The following GDAP2 variants were observed in gnomAD, a reference collection of about 807,000 sequenced individuals.
The protein encoded by GDAP2 is ganglioside-induced differentiation-associated protein 2.
Under a neutral mutation model 67.0 loss-of-function variants are expected in GDAP2, and 51 were observed. The ratio of observed to expected loss-of-function variants is 0.76; its 90% CI spans 0.61 to 0.96. GDAP2 has a LOEUF of 0.96. Ranked by LOEUF, GDAP2 falls within the 40% of genes least tolerant of loss-of-function variation. The probability of loss-of-function intolerance (pLI) is 0.00; values close to 1 mark genes in which losing one functional copy is unlikely to be tolerated. For synonymous variants in GDAP2, 203 were observed against 207.3 expected (o/e 0.98, Z 0.18); for missense variants, 547 against 588.3 (o/e 0.93, Z 0.73).
At chr1:117,900,763 C>CAAA (rs552813673) in intron 6 of GDAP2, among the ~76,000 whole-genome samples, 1 of 87,640 alleles carries the variant, frequency 1.1e-5, no homozygotes. Context: ...GACTCCATCT[C>CAAA]AAAAAAAAAA....
intron 6 of GDAP2, among the ~76,000 whole-genome samples, chr1:117,900,055 T>TA (rs1557802870): frequency 2.0e-5 from 3 of 152,088 alleles, no homozygotes; most frequent in Non-Finnish European, 4.4e-5. Flanking sequence ...ATAGCCTTTA[T>TA]AAAAAAACTG....
intron 6 of GDAP2, 80 bp from the exon 7 acceptor site, chr1:117,899,296 C>A: frequency 4.3e-6 from 4 of 922,408 alleles, no homozygotes; most frequent in South Asian, 1.4e-5. Context: ...GCTGTTCATA[C>A]ACTGTGAAGA....
intron 13 of GDAP2, among the ~76,000 whole-genome samples, chr1:117,875,740 G>T (rs948945359): frequency 3.9e-5 from 6 of 152,198 alleles, no homozygotes; most frequent in Non-Finnish European, 7.4e-5. Flanking sequence ...TTATTTTGGA[G>T]ATTTAAGATT....
intron 1 of GDAP2, among the ~76,000 whole-genome samples, chr1:117,924,851 T>G (rs1247627533): frequency 6.6e-6 from 1 of 152,186 alleles, no homozygotes; most frequent in African/African-American, 2.4e-5. Flanking sequence ...TATTCAGACT[T>G]GAAATAGACA....
chr1:117,899,937 G>A (rs536093045), intron 6 of GDAP2, among the ~76,000 whole-genome samples: 7 of 152,084 alleles, frequency 4.6e-5, no homozygotes, highest in African/African-American at 1.7e-4. Context: ...GAATCACCTA[G>A]GACAATGAAA....
At chr1:117,902,709 GTTC>G (rs1223285574) in intron 6 of GDAP2, among the ~76,000 whole-genome samples, 1 of 152,066 alleles carries the variant, frequency 6.6e-6, no homozygotes, top group Non-Finnish European at 1.5e-5. Context: ...TTCCAATGTT[GTTC>G]TTTTTTTCCA....
At chr1:117,888,752 T>C (rs1402364014) in intron 8 of GDAP2, among the ~76,000 whole-genome samples, 4 of 152,188 alleles carry the variant, frequency 2.6e-5, no homozygotes, top group Non-Finnish European at 5.9e-5. Context: ...ATTTGGCTTC[T>C]AATCCTACTG....
At position 117,887,695 on chromosome 1, in the gene GDAP2, C is replaced by T. The variant is rs1453546043; in HGVS notation, c.1030+3G>A. 4.2e-6 allele frequency: 6 copies of T among 1,441,282 alleles called. No individual in the cohort carries two copies. Among genetic ancestry groups the T allele is most frequent in the South Asian group, 2.3e-5 (2 of 87,456 alleles). 89.3% of individuals were successfully genotyped at this position (1,441,282 alleles called of 1,614,324 possible). A position where few individuals can be genotyped will look rare whatever the true frequency, so the allele number is the denominator to read the frequency against. On this transcript the variant is annotated splice_donor_region_variant and intron_variant, in intron 9 of 13. Transcript: ENST00000369443. The stretch of plus-strand genomic sequence containing the variant: ...GAATAAGTTACCATATATTTAAGCT[C>T]ACCTGTTTGGTATAAGGCTTTTAGA...
At chr1:117,887,641 A>T (rs1470913502) in intron 9 of GDAP2, 57 bp downstream of exon 9, 6 of 865,390 alleles carry the variant, frequency 6.9e-6, no homozygotes, top group Non-Finnish European at 1.2e-5. Flanking sequence ...CTCAAATAGC[A>T]TGCTTGGTAG....
rs116096155 is a variant in GDAP2, at chr1:117,894,386, A to G, written c.953+2447T>C. ...ACATTATTTGCATTTTTCACTGCAT[A>G]GACATTTACATTGATAGTGCAAAAG... On this transcript the variant is annotated intron_variant, in intron 8 of 13. Coordinates refer to ENST00000369443, the MANE Select transcript of GDAP2 (RefSeq NM_017686.4). Among the ~76,000 whole-genome samples the G allele has an allele frequency of 3.2e-3, 495 of 152,334 alleles. 2 individuals are homozygous for G. The highest frequency in any genetic ancestry group is 5.3e-3 in the Non-Finnish European group (360 of 68,032).
rs1272574433 is a variant in GDAP2 at position 117,912,017 on chromosome 1, T to C, written c.536A>G (p.Glu179Gly). Residue 179 changes from glutamate to glycine, a missense_variant, in exon 5 of 14, where the codon GAG (glutamate) becomes GGG (glycine). Physicochemically the swap from Glu to Gly is moderately conservative, Grantham distance 98. Transcript: ENST00000369443. ...INSAKRGYPL[E>G]DATHIALRTV... ...ACGAAGTGCTATGTGTGTTGCATCC[T>C]CTAAAGGATAACCACGTTTTGCAGA... is the stretch of plus-strand genomic sequence containing the variant. 3 of 1,593,196 alleles carry C rather than the reference T, an allele frequency of 1.9e-6. No homozygotes were observed. The highest frequency in any genetic ancestry group is 2.6e-6 in the Non-Finnish European group (3 of 1,161,080).
intron 7 of GDAP2, among the ~76,000 whole-genome samples, chr1:117,898,311 A>G (rs1649329657): frequency 6.6e-6 from 1 of 152,350 alleles, no homozygotes. Context: ...TTTGGTTTCC[A>G]GATATTTCAC....
chr1:117,877,377 GC>G, intron 13 of GDAP2: 1 of 983,270 alleles, frequency 1.0e-6, no homozygotes, highest in Non-Finnish European at 1.2e-6. Flanking sequence ...AGCTTGATGA[GC>G]TTTTGGCCAA....
chr1:117,920,108 G>T, intron 2 of GDAP2, 74 bp downstream of exon 2: 2 of 823,976 alleles, frequency 2.4e-6, no homozygotes, highest in Non-Finnish European at 4.0e-6. Context: ...CAATGCTAGG[G>T]CTTTAAAAAA....
At chr1:117,902,702 C>T (rs750301240) in intron 6 of GDAP2, among the ~76,000 whole-genome samples, 18 of 152,116 alleles carry the variant, frequency 1.2e-4, no homozygotes, top group Admixed American at 2.6e-4. Context: ...GTGAATCTTC[C>T]AATGTTGTTC....
rs762369833 is a variant in GDAP2, at chr1:117,896,845, T to C, written c.941A>G (p.Gln314Arg). The change falls in exon 8 of 14, where the codon CAG becomes CGG. Residue 314 changes from glutamine to arginine, a missense_variant. Gln to Arg is a conservative substitution (Grantham distance 43). Transcript: ENST00000369443. Reference sequence around the variant, plus strand: ...AGGGTTGTCTTACTTTCTTTGATGCTGCTTCTGCAGAGCTGCCTCTGATAA... The same window carrying C: ...AGGGTTGTCTTACTTTCTTTGATGCCGCTTCTGCAGAGCTGCCTCTGATAA... Reference protein sequence around the residue: ...GQLSEAALQKQHQRNYNRWLC... With the variant: ...GQLSEAALQKRHQRNYNRWLC... 1 of 1,611,024 alleles carries C rather than the reference T, an allele frequency of 6.2e-7. No individual in the cohort carries two copies. The highest frequency in any genetic ancestry group is 1.1e-5 in the South Asian group (1 of 90,494).
At chr1:117,893,977 AAG>A (rs1454397584) in intron 8 of GDAP2, among the ~76,000 whole-genome samples, 1 of 152,132 alleles carries the variant, frequency 6.6e-6, no homozygotes, top group Non-Finnish European at 1.5e-5. Context: ...GTATTTAGAG[AAG>A]AGTTGTATTT....
Position 117,883,503 on chromosome 1 carries a change from TC to T in GDAP2, c.1231del (p.Asp411MetfsTer11). The T allele has an allele frequency of 6.2e-7, 1 of 1,612,544 alleles. No homozygotes were observed. The highest frequency in any genetic ancestry group is 8.5e-7 in the Non-Finnish European group (1 of 1,178,970). Reference sequence around the variant, plus strand: ...AATAACTAACTTGACATCAACAACATCGTAGAGTTTCTTCAGGAAGTCGGAG... The same window carrying T: ...AATAACTAACTTGACATCAACAACATGTAGAGTTTCTTCAGGAAGTCGGAG... ...LDSDFLKKLYDVVDVKYKRNL... is the reference protein window; with the variant it reads ...LDSDFLKKLYXVVDVKYKRNL... On this transcript the variant is annotated frameshift_variant, in exon 11 of 14. Transcript: ENST00000369443. LOFTEE classifies it high-confidence loss of function.
At chr1:117,927,784 G>C (rs529144612) in intron 1 of GDAP2, among the ~76,000 whole-genome samples, 1 of 152,172 alleles carries the variant, frequency 6.6e-6, no homozygotes, top group South Asian at 2.1e-4. Context: ...TCAATGGCTT[G>C]GGTCAAATTT....
Sources: allele counts gnomAD v4.1 joint callset (sites outside exome capture counted in the v4.1 genomes callset), GRCh38; gene constraint gnomAD v4.1.1; transcripts MANE v1.5; gene names NCBI Gene and HGNC (gene_info 2026-07-23, HGNC 2026-07-21).